EEFSEC: variants seen among roughly 807,000 people sequenced by gnomAD.
EEFSEC encodes the protein eukaryotic elongation factor, selenocysteine-tRNA specific.
EEFSEC carries 43 observed loss-of-function variants against 42.1 expected under a neutral mutation model. The observed-to-expected ratio is 1.02, with a 90% CI of 0.80 to 1.32. The LOEUF (loss-of-function observed/expected upper bound fraction) is 1.32. EEFSEC is among the 40% of genes most tolerant of loss of function. EEFSEC has a pLI of 0.00. For missense variants in EEFSEC, 745 were observed against 803.6 expected, an observed-to-expected ratio of 0.93 and a Z score of 0.88; for synonymous variants, 354 against 339.1, an observed-to-expected ratio of 1.04 and a Z score of -0.48.
chr3:128,413,854 G>A, the EEFSEC span, among the ~76,000 whole-genome samples: 5 of 152,220 alleles, frequency 3.3e-5, no homozygotes, highest in Admixed American at 2.0e-4. Flanking sequence ...GGCTTGCACA[G>A]CCCAACATCA....
intron 6 of EEFSEC, among the ~76,000 whole-genome samples, chr3:128,404,795 A>G (rs1157891625): frequency 6.6e-6 from 1 of 152,186 alleles, no homozygotes; most frequent in East Asian, 1.9e-4. Context: ...CAGGTCCCCA[A>G]GGCCATAGTG....
At chr3:128,164,608 C>CT (rs2065226443) in intron 1 of EEFSEC, among the ~76,000 whole-genome samples, 1 of 152,104 alleles carries the variant, frequency 6.6e-6, no homozygotes, top group East Asian at 1.9e-4. Context: ...GCCAGTCCAA[C>CT]TGGCTTGTGG....
intron 1 of EEFSEC, among the ~76,000 whole-genome samples, chr3:128,199,879 G>A (rs536766469): frequency 1.2e-4 from 18 of 151,412 alleles, no homozygotes; most frequent in South Asian, 2.1e-4. Flanking sequence ...GATTACAGGC[G>A]CACGCCACCA....
At chr3:128,175,619 C>G (rs2065340548) in intron 1 of EEFSEC, among the ~76,000 whole-genome samples, 1 of 152,182 alleles carries the variant, frequency 6.6e-6, no homozygotes, top group South Asian at 2.1e-4. Context: ...TTTAATGAGT[C>G]CCAGATACAT....
At chr3:128,413,464 G>T (rs1181321966), downstream of EEFSEC, among the ~76,000 whole-genome samples, 59 of 152,144 alleles carry the variant, frequency 3.9e-4, no homozygotes. Flanking sequence ...CCTCCCACCT[G>T]GCAGTGTGGC....
intron 2 of EEFSEC, among the ~76,000 whole-genome samples, chr3:128,261,680 C>T (rs1484755796): frequency 6.6e-6 from 1 of 150,846 alleles, no homozygotes; most frequent in African/African-American, 2.4e-5. Flanking sequence ...GGCAAGAATG[C>T]TCTGCATTAG....
chr3:128,261,813 A>G (rs766548769), intron 2 of EEFSEC, among the ~76,000 whole-genome samples: 18 of 152,164 alleles, frequency 1.2e-4, no homozygotes, highest in Non-Finnish European at 8.8e-5. Flanking sequence ...GAGGTCTTTT[A>G]TTCAGAAGCC....
chr3:128,373,841 A>AT (rs1452716447), intron 6 of EEFSEC, among the ~76,000 whole-genome samples: 1 of 152,170 alleles, frequency 6.6e-6, no homozygotes, highest in African/African-American at 2.4e-5. Flanking sequence ...TCACAGTCCC[A>AT]TTAGAGAGAA....
intron 6 of EEFSEC, among the ~76,000 whole-genome samples, chr3:128,377,571 G>A (rs775030391): frequency 2.6e-5 from 4 of 152,242 alleles, no homozygotes; most frequent in South Asian, 2.1e-4. Flanking sequence ...TCAATGCAGC[G>A]TAACAGTAAC....
chr3:128,344,765 G>C (rs1378773811), intron 5 of EEFSEC, among the ~76,000 whole-genome samples: 1 of 152,222 alleles, frequency 6.6e-6, no homozygotes, highest in East Asian at 1.9e-4. Flanking sequence ...ACAGCTGTAC[G>C]CCTTGGGCAG....
chr3:128,177,227 T>C lies in EEFSEC; in HGVS notation c.316+23404T>C, dbSNP rs138874688. Among the ~76,000 whole-genome samples, 66 of 152,170 alleles carry C rather than the reference T, an allele frequency of 4.3e-4. No individual in the cohort carries two copies. In the East Asian group the frequency reaches 0.01, roughly 23 times the overall value. The stretch of plus-strand genomic sequence containing the variant: ...TTTTGGAAAGCTTTTTTTTGTTGAT[T>C]CCTTATCTTAAAACCAAGATAAAAA... On this transcript the variant is annotated intron_variant, in intron 1 of 6. Coordinates refer to ENST00000254730, the MANE Select transcript of EEFSEC (RefSeq NM_021937.5).
At position 128,246,897 on chromosome 3, in the gene EEFSEC, G is replaced by C. The variant is rs763718121; in HGVS notation, c.378G>C (p.Gln126His). 1 of 1,614,216 alleles carries C rather than the reference G, an allele frequency of 6.2e-7. No homozygotes were observed. The highest frequency in any genetic ancestry group is 1.7e-5 in the Admixed American group (1 of 60,026). Residue 126 changes from glutamine (Q) to histidine (H), a missense_variant, in exon 2 of 7, where the codon CAG becomes CAC. Transcript: ENST00000254730. ...ATGTGACCAAGGGGATGCAGACCCA[G>C]TCAGCGGAATGCCTTGTGATCGGCC... Reference protein sequence around the residue: ...VIDVTKGMQTQSAECLVIGQI... With the variant: ...VIDVTKGMQTHSAECLVIGQI...
chr3:128,310,474 G>A (rs1423255495), intron 4 of EEFSEC, among the ~76,000 whole-genome samples: 3 of 152,264 alleles, frequency 2.0e-5, no homozygotes, highest in East Asian at 1.9e-4. Flanking sequence ...TAGCAACCTC[G>A]TGCCAGTGGC....
intron 6 of EEFSEC, among the ~76,000 whole-genome samples, chr3:128,381,328 T>C (rs2067773787): frequency 6.6e-6 from 1 of 152,182 alleles, no homozygotes. Flanking sequence ...TGGTGTATAT[T>C]TGGCCCTCTC....
chr3:128,259,843 A>C (rs2066280074), intron 2 of EEFSEC, among the ~76,000 whole-genome samples: 1 of 152,028 alleles, frequency 6.6e-6, no homozygotes, highest in Admixed American at 6.5e-5. Context: ...TTTTTATGTC[A>C]TGTCTTTTTA....
intron 6 of EEFSEC, among the ~76,000 whole-genome samples, chr3:128,401,739 T>A (rs966134696): frequency 6.6e-6 from 1 of 151,968 alleles, no homozygotes; most frequent in Non-Finnish European, 1.5e-5. Context: ...GATAGCCAGG[T>A]GGGATGAGGG....
At chr3:128,287,257 A>T (rs1396357606) in intron 4 of EEFSEC, among the ~76,000 whole-genome samples, 1 of 152,020 alleles carries the variant, frequency 6.6e-6, no homozygotes, top group South Asian at 2.1e-4. Flanking sequence ...TGAGGTGGAG[A>T]TGAGCTCAGA....
chr3:128,293,660 CAAAA>C (rs759485696), intron 4 of EEFSEC, among the ~76,000 whole-genome samples: 4 of 14,142 alleles, frequency 2.8e-4, no homozygotes, highest in Non-Finnish European at 4.1e-4. Flanking sequence ...GACTCTATCT[CAAAA>C]AAAAAAAAAA....
intron 4 of EEFSEC, among the ~76,000 whole-genome samples, chr3:128,336,516 C>T (rs2067191192): frequency 6.6e-6 from 1 of 152,162 alleles, no homozygotes; most frequent in Admixed American, 6.5e-5. Flanking sequence ...CTCCAACCTG[C>T]TGCCTCCCTG....
Sources: allele counts gnomAD v4.1 joint callset (sites outside exome capture counted in the v4.1 genomes callset), GRCh38; gene constraint gnomAD v4.1.1; transcripts MANE v1.5; gene names NCBI Gene and HGNC (gene_info 2026-07-23, HGNC 2026-07-21).